The following TNFRSF11A variants were observed in gnomAD, a reference collection of about 807,000 sequenced individuals.
TNFRSF11A encodes the protein TNF receptor superfamily member 11a, also known as tumor necrosis factor receptor superfamily member 11A.
TNFRSF11A carries 32 observed loss-of-function variants against 55.7 expected under a neutral mutation model. The ratio of observed to expected loss-of-function variants is 0.57; its 90% CI spans 0.43 to 0.77. TNFRSF11A has a LOEUF of 0.77. Among genes scored for constraint, TNFRSF11A ranks in the 30% least tolerant of loss-of-function variants. TNFRSF11A has a pLI of 0.00. For synonymous variants in TNFRSF11A, 311 were observed against 331.0 expected (o/e 0.94, Z 0.65); for missense variants, 753 against 809.8 (o/e 0.93, Z 0.85).
chr18:62,363,370 T>C (rs371778518), intron 7 of TNFRSF11A, among the ~76,000 whole-genome samples: 15 of 144,314 alleles, frequency 1.0e-4, no homozygotes, highest in African/African-American at 3.4e-4. Flanking sequence ...TGACCCTTTT[T>C]TTTTTTTTTT....
chr18:62,325,312 A>T lies in TNFRSF11A; in HGVS notation c.-41A>T. 1.0e-6 allele frequency: 1 copy of T among 954,868 alleles called. No homozygotes were observed. The highest frequency in any genetic ancestry group is 1.3e-6 in the Non-Finnish European group (1 of 798,410). The allele number at this position is 954,868 out of a possible 1,614,324, so 59.1% of individuals were successfully genotyped here. A position where few individuals can be genotyped will look rare whatever the true frequency, so the allele number is the denominator to read the frequency against. On this transcript the variant is annotated 5_prime_UTR_variant, in exon 1 of 10. Transcript: ENST00000586569. This position sits in a 1 kb window ranked among gnomAD's most constrained non-coding sequence, Gnocchi z 4.7. The stretch of plus-strand genomic sequence containing the variant: ...GGCAGCCGCGCCCGCTGGGCCACAG[A>T]GGCCGCTGAGGCCGCGGCGCCCGCC...
chr18:62,362,138 A>G (rs1261667494), intron 7 of TNFRSF11A, among the ~76,000 whole-genome samples: 1 of 152,208 alleles, frequency 6.6e-6, no homozygotes, highest in African/African-American at 2.4e-5. Flanking sequence ...CTTTTAAAAT[A>G]TACATAAAAT....
chr18:62,368,791 G>A lies in TNFRSF11A; in HGVS notation c.874G>A (p.Glu292Lys). ...CEGVLLLTLE[E>K]KTFPEDMCYP... is the part of the protein sequence containing the mutation. ...AGGTGTCTTACTGCTGACTCTGGAG[G>A]AGAAGACATTTCCAGAAGATATGTG... The change falls in exon 9 of 10, where the codon GAG becomes AAG. Residue 292 changes from glutamate to lysine, a missense_variant. By Grantham distance (56) the Glu-to-Lys change is moderately conservative. Around this residue, in one of 3 missense-constraint regions of TNFRSF11A, gnomAD observed 567 missense variants for 596.7 expected, o/e 0.95. Transcript: ENST00000586569. 7.4e-6 allele frequency: 12 copies of A among 1,614,226 alleles called. No homozygotes were observed. Among genetic ancestry groups the A allele is most frequent in the African/African-American group, 1.3e-5 (1 of 75,046 alleles).
chr18:62,390,878 A>G lies in TNFRSF11A; in HGVS notation c.*5844A>G, dbSNP rs997856088. 6.6e-6 allele frequency: 1 copy of G among 152,216 alleles called. No individual in the cohort carries two copies. The highest frequency in any genetic ancestry group is 2.4e-5 in the African/African-American group (1 of 41,448). 9.4% of individuals were successfully genotyped at this position (152,216 alleles called of 1,614,324 possible). ...ATCGGGTCTATTGAGTTTGTTATATACAGTAAAATTCACCCTTTTTAGATA... is the reference window on the plus strand; with the variant it reads ...ATCGGGTCTATTGAGTTTGTTATATGCAGTAAAATTCACCCTTTTTAGATA... On this transcript the variant is annotated 3_prime_UTR_variant, in exon 10 of 10. Coordinates refer to ENST00000586569, the MANE Select transcript of TNFRSF11A (RefSeq NM_003839.4).
At chr18:62,368,443 G>T (rs971380862) in intron 8 of TNFRSF11A, among the ~76,000 whole-genome samples, 1 of 152,196 alleles carries the variant, frequency 6.6e-6, no homozygotes, top group African/African-American at 2.4e-5. Context: ...ATTTGGGTTA[G>T]CTCCTCTCCT....
In TNFRSF11A at chr18:62,368,840, G is replaced by C. The variant is rs763347757; in HGVS notation, c.923G>C (p.Cys308Ser). 6.2e-7 allele frequency: 1 copy of C among 1,614,134 alleles called. No individual in the cohort carries two copies. Among genetic ancestry groups the C allele is most frequent in the South Asian group, 1.1e-5 (1 of 91,092 alleles). ...DMCYPDQGGV[C>S]QGTCVGGGPY... ...TGCTACCCAGATCAAGGTGGTGTCT[G>C]TCAGGGCACATGTGTAGGAGGTGGT... is the stretch of plus-strand genomic sequence containing the variant. Residue 308 changes from cysteine (C) to serine (S), a missense_variant, in exon 9 of 10, where the codon TGT (cysteine) becomes TCT (serine). Coordinates refer to ENST00000586569, the MANE Select transcript of TNFRSF11A (RefSeq NM_003839.4).
At chr18:62,332,124 A>G (rs887623463) in intron 1 of TNFRSF11A, among the ~76,000 whole-genome samples, 1 of 152,236 alleles carries the variant, frequency 6.6e-6, no homozygotes, top group African/African-American at 2.4e-5. Context: ...GGTGAATGTG[A>G]TGGCTAAGCT....
chr18:62,335,671 T>G (rs963982125), intron 1 of TNFRSF11A, among the ~76,000 whole-genome samples: 10 of 152,208 alleles, frequency 6.6e-5, no homozygotes, highest in African/African-American at 2.4e-4. Context: ...GAAAAGAGAG[T>G]TTCAGCCCAG....
At chr18:62,341,383 A>G (rs1376452004) in intron 1 of TNFRSF11A, among the ~76,000 whole-genome samples, 4 of 152,224 alleles carry the variant, frequency 2.6e-5, no homozygotes, top group African/African-American at 9.6e-5. Context: ...TTGGTTTGTC[A>G]TAATCAGGTT....
rs8095109 is a variant in TNFRSF11A, at chr18:62,389,903, T to C, written c.*4869T>C. 36,319 of 152,262 alleles carry C rather than the reference T, an allele frequency of 0.24. 4,794 individuals are homozygous for C. The highest frequency in any genetic ancestry group is 0.3 in the Non-Finnish European group (20,386 of 68,038). 9.4% of individuals were successfully genotyped at this position (152,262 alleles called of 1,614,324 possible). A position where few individuals can be genotyped will look rare whatever the true frequency, so the allele number is the denominator to read the frequency against. On this transcript the variant is annotated 3_prime_UTR_variant, in exon 10 of 10. Transcript: ENST00000586569. ...GTTCATGACTCAGCGCTGTGACTTG[T>C]GGACTTATCTTGTGCAGCTACATCA...
chr18:62,386,697 T>G lies in TNFRSF11A; in HGVS notation c.*1663T>G, dbSNP rs889933657. 1.3e-5 allele frequency: 2 copies of G among 152,260 alleles called. No individual in the cohort carries two copies. The highest frequency in any genetic ancestry group is 2.9e-5 in the Non-Finnish European group (2 of 68,050). 9.4% of individuals were successfully genotyped at this position (152,260 alleles called of 1,614,324 possible). Reference sequence around the variant, plus strand: ...CAAATGCCCAGCTGAAGAGCATGACTGTGGATCACTGGTTTTTCCCTCCTG... The same window carrying G: ...CAAATGCCCAGCTGAAGAGCATGACGGTGGATCACTGGTTTTTCCCTCCTG... On this transcript the variant is annotated 3_prime_UTR_variant, in exon 10 of 10. Coordinates refer to ENST00000586569, the MANE Select transcript of TNFRSF11A (RefSeq NM_003839.4).
chr18:62,334,062 C>T (rs1294074347), intron 1 of TNFRSF11A, among the ~76,000 whole-genome samples: 6 of 152,036 alleles, frequency 3.9e-5, no homozygotes, highest in East Asian at 1.9e-4. Flanking sequence ...GACGGGTTTT[C>T]GACATGTTGG....
At position 62,361,801 on chromosome 18, in the gene TNFRSF11A, G is replaced by T. The variant is rs890889729; in HGVS notation, c.730+8G>T. Reference sequence around the variant, plus strand: ...AAGGGAAAGCACTCACAGGTATTGTGTCTATGGTGGTTTTTGCAAACCAAT... The same window carrying T: ...AAGGGAAAGCACTCACAGGTATTGTTTCTATGGTGGTTTTTGCAAACCAAT... On this transcript the variant is annotated splice_region_variant and intron_variant, in intron 7 of 9. Transcript: ENST00000586569. 6.2e-7 allele frequency: 1 copy of T among 1,611,248 alleles called. No homozygotes were observed. The highest frequency in any genetic ancestry group is 1.3e-5 in the African/African-American group (1 of 74,964).
intron 7 of TNFRSF11A, among the ~76,000 whole-genome samples, chr18:62,364,140 G>C (rs191236650): frequency 3.9e-4 from 59 of 152,336 alleles, no homozygotes; most frequent in African/African-American, 1.4e-3. Flanking sequence ...GGGCCAGCCA[G>C]GGTCTCCCAG....
At chr18:62,373,276 G>A (rs1203709043) in intron 9 of TNFRSF11A, among the ~76,000 whole-genome samples, 1 of 152,100 alleles carries the variant, frequency 6.6e-6, no homozygotes, top group Non-Finnish European at 1.5e-5. Context: ...TGACCAACAT[G>A]GGGAAACCCC....
chr18:62,356,294 C>A (rs909689189), intron 4 of TNFRSF11A, among the ~76,000 whole-genome samples: 9 of 152,206 alleles, frequency 5.9e-5, no homozygotes, highest in African/African-American at 2.2e-4. Context: ...CTGACACATT[C>A]GGTCTTTATT....
chr18:62,365,024 G>A (rs762628039), intron 7 of TNFRSF11A, among the ~76,000 whole-genome samples: 6 of 152,132 alleles, frequency 3.9e-5, no homozygotes, highest in African/African-American at 9.7e-5. Context: ...TGGCACAAGC[G>A]TGGCTCACTG....
At position 62,385,544 on chromosome 18, in the gene TNFRSF11A, A is replaced by G. The variant is rs1911666489; in HGVS notation, c.*510A>G. ...CAGGCTAGAGTGCAGTGGTGCGATT[A>G]TAGCCCGGTGCAGCCTCTAACTCCT... On this transcript the variant is annotated 3_prime_UTR_variant, in exon 10 of 10. Coordinates refer to ENST00000586569, the MANE Select transcript of TNFRSF11A (RefSeq NM_003839.4). 6.6e-6 allele frequency: 1 copy of G among 150,700 alleles called. No individual in the cohort carries two copies. Among genetic ancestry groups the G allele is most frequent in the Non-Finnish European group, 1.5e-5 (1 of 67,896 alleles). 9.3% of individuals were successfully genotyped at this position (150,700 alleles called of 1,614,324 possible). A position where few individuals can be genotyped will look rare whatever the true frequency, so the allele number is the denominator to read the frequency against.
In TNFRSF11A at chr18:62,387,933, G is replaced by A. The variant is rs975543361; in HGVS notation, c.*2899G>A. On this transcript the variant is annotated 3_prime_UTR_variant, in exon 10 of 10. Coordinates refer to ENST00000586569, the MANE Select transcript of TNFRSF11A (RefSeq NM_003839.4). ...TAGTTAGAGATCAAACTGGGCAATGGAGTGAGACCTCGTCTCTACAAAAAA... is the reference window on the plus strand; with the variant it reads ...TAGTTAGAGATCAAACTGGGCAATGAAGTGAGACCTCGTCTCTACAAAAAA... 1 of 152,164 alleles carries A rather than the reference G, an allele frequency of 6.6e-6. No homozygotes were observed. The highest frequency in any genetic ancestry group is 2.4e-5 in the African/African-American group (1 of 41,428). 9.4% of individuals were successfully genotyped at this position (152,164 alleles called of 1,614,324 possible). A position where few individuals can be genotyped will look rare whatever the true frequency, so the allele number is the denominator to read the frequency against.
Sources: gnomAD v4.1 joint callset for allele counts (sites outside exome capture counted in the v4.1 genomes callset) on GRCh38, gnomAD v4.1.1 for gene constraint, gnomAD v4.1.1 regional missense constraint, Gnocchi (gnomAD v3.1) non-coding constraint, MANE v1.5 for transcripts, NCBI Gene and HGNC (gene_info 2026-07-23, HGNC 2026-07-21) for gene names.